NME7: variants seen among roughly 807,000 people sequenced by gnomAD.
NME7 encodes nucleoside diphosphate kinase 7.
In NME7, 41 loss-of-function variants were observed where a neutral mutation model predicts 49.1. The ratio of observed to expected loss-of-function variants is 0.83; its 90% CI spans 0.65 to 1.08. The LOEUF is 1.08. Among genes scored for constraint, NME7 ranks in the 50% least tolerant of loss-of-function variants. The pLI, the probability that NME7 is intolerant of heterozygous loss-of-function variation, is 0.00. For synonymous variants in NME7, 139 were observed against 150.6 expected, an observed-to-expected ratio of 0.92 and a Z score of 0.56; for missense variants, 423 against 463.4, an observed-to-expected ratio of 0.91 and a Z score of 0.80.
chr1:169,212,809 T>G (rs1460750990), intron 10 of NME7, among the ~76,000 whole-genome samples: 3 of 151,976 alleles, frequency 2.0e-5, no homozygotes, highest in Non-Finnish European at 4.4e-5. Context: ...TTTAAATATT[T>G]TTAGAGACAG....
intron 7 of NME7, among the ~76,000 whole-genome samples, chr1:169,249,822 T>G (rs563725973): frequency 6.6e-6 from 1 of 152,160 alleles, no homozygotes; most frequent in East Asian, 1.9e-4. Flanking sequence ...ATCCCTGGAA[T>G]GAAACCTACT....
At chr1:169,323,363 A>T in intron 2 of NME7, 80 bp from the exon 3 acceptor site, 1 of 1,110,950 alleles carries the variant, frequency 9.0e-7, no homozygotes, top group Non-Finnish European at 1.2e-6. Flanking sequence ...TAAGGTAGAA[A>T]TAATTCTTAA....
At chr1:169,189,194 CAAT>C (rs1287934951) in intron 10 of NME7, among the ~76,000 whole-genome samples, 1 of 152,062 alleles carries the variant, frequency 6.6e-6, no homozygotes, top group African/African-American at 2.4e-5. Context: ...ATGAACACAA[CAAT>C]GACAATGTTG....
intron 6 of NME7, among the ~76,000 whole-genome samples, chr1:169,293,811 T>C (rs909471143): frequency 6.6e-6 from 1 of 152,172 alleles, no homozygotes; most frequent in African/African-American, 2.4e-5. Flanking sequence ...TTCCCATTCA[T>C]AAACATGGCA....
chr1:169,268,592 A>T (rs1365309707), intron 7 of NME7, among the ~76,000 whole-genome samples: 1 of 134,050 alleles, frequency 7.5e-6, no homozygotes, highest in Non-Finnish European at 1.8e-5. Context: ...ACACCATGGA[A>T]TACTCTGCAG....
intron 4 of NME7, among the ~76,000 whole-genome samples, chr1:169,305,724 GATACACAGT>G (rs1196326257): frequency 2.0e-5 from 3 of 152,142 alleles, no homozygotes; most frequent in Non-Finnish European, 4.4e-5. Context: ...CCACCCTCTA[GATACACAGT>G]ATACACCTGG....
At chr1:169,287,477 G>C (rs1650322918) in intron 6 of NME7, 69 bp from the exon 7 acceptor site, 1 of 1,100,418 alleles carries the variant, frequency 9.1e-7, no homozygotes, top group Non-Finnish European at 1.3e-6. Context: ...TATTTCTGTG[G>C]GGGAGGAGAA....
intron 7 of NME7, among the ~76,000 whole-genome samples, chr1:169,250,286 G>C (rs922999307): frequency 4.6e-5 from 7 of 151,932 alleles, no homozygotes; most frequent in Non-Finnish European, 7.4e-5. Flanking sequence ...GGTCTCAAAT[G>C]ATCTTTTTTA....
chr1:169,280,271 T>C (rs1429820409), intron 7 of NME7, among the ~76,000 whole-genome samples: 1 of 152,204 alleles, frequency 6.6e-6, no homozygotes, highest in Non-Finnish European at 1.5e-5. Context: ...GAAGTGTCTG[T>C]TCATATCCTT....
intron 1 of NME7, among the ~76,000 whole-genome samples, chr1:169,342,485 G>GTA (rs71121764): frequency 0.016 from 2,017 of 128,604 alleles, 83 homozygotes; most frequent in African/African-American, 0.049. Flanking sequence ...ACTTGTATTA[G>GTA]TATATATATA....
chr1:169,176,187 A>G (rs1458697449), intron 10 of NME7, among the ~76,000 whole-genome samples: 1 of 152,152 alleles, frequency 6.6e-6, no homozygotes, highest in Non-Finnish European at 1.5e-5. Context: ...GAGATAATGA[A>G]AGATGGGGAA....
rs943665903 is a variant in NME7, at chr1:169,261,431, T to G, written c.755-23744A>C. Among the ~76,000 whole-genome samples, 3 of 134,106 alleles carry G rather than the reference T, an allele frequency of 2.2e-5. 1 individual carries two copies. The highest frequency in any genetic ancestry group is 1.8e-5 in the Non-Finnish European group (1 of 57,066). 88.0% of individuals were successfully genotyped at this position (134,106 alleles called of 152,430 possible). A position where few individuals can be genotyped will look rare whatever the true frequency, so the allele number is the denominator to read the frequency against. On this transcript the variant is annotated intron_variant, in intron 7 of 11. Transcript: ENST00000367811. ...AACAACTGCTATAAAGAAGTAAACGTGCATTAGAGAAGCTACTTGTGTAAA... is the reference window on the plus strand; with the variant it reads ...AACAACTGCTATAAAGAAGTAAACGGGCATTAGAGAAGCTACTTGTGTAAA...
chr1:169,228,280 G>A (rs1431623153), intron 10 of NME7, among the ~76,000 whole-genome samples: 1 of 151,992 alleles, frequency 6.6e-6, no homozygotes, highest in Non-Finnish European at 1.5e-5. Flanking sequence ...GAGAACAAAA[G>A]AATGAATCAT....
At chr1:169,261,518 C>A (rs1236096735) in intron 7 of NME7, among the ~76,000 whole-genome samples, 3 of 134,126 alleles carry the variant, frequency 2.2e-5, no homozygotes, top group African/African-American at 7.6e-5. Context: ...AACCTAAAAT[C>A]CAGCACAGGG....
At chr1:169,275,444 A>C (rs1294556636) in intron 7 of NME7, among the ~76,000 whole-genome samples, 2 of 106,178 alleles carry the variant, frequency 1.9e-5, no homozygotes, top group African/African-American at 3.2e-5. Context: ...GCGCCACTGC[A>C]CTCCAGCCTG....
chr1:169,178,068 T>C (rs1659811827), intron 10 of NME7, among the ~76,000 whole-genome samples: 1 of 152,098 alleles, frequency 6.6e-6, no homozygotes, highest in Non-Finnish European at 1.5e-5. Context: ...CTTGATCTCC[T>C]AACCTCAGGA....
chr1:169,260,521 A>C (rs1328245215), intron 7 of NME7, among the ~76,000 whole-genome samples: 1 of 131,742 alleles, frequency 7.6e-6, no homozygotes, highest in Non-Finnish European at 1.8e-5. Context: ...ATAAAGTAAC[A>C]TCATGTGTTC....
chr1:169,242,709 T>C (rs1429435606), intron 7 of NME7, among the ~76,000 whole-genome samples: 1 of 151,194 alleles, frequency 6.6e-6, no homozygotes, highest in Non-Finnish European at 1.5e-5. Context: ...GAACTAATTA[T>C]TTCAGCAAGG....
At chr1:169,258,511 T>C (rs1300237206) in intron 7 of NME7, among the ~76,000 whole-genome samples, 4 of 126,692 alleles carry the variant, frequency 3.2e-5, no homozygotes, top group African/African-American at 1.1e-4. Context: ...TTTTTACTTA[T>C]TCTAACTTTC....
Sources: gnomAD v4.1 joint callset for allele counts (sites outside exome capture counted in the v4.1 genomes callset) on GRCh38, gnomAD v4.1.1 for gene constraint, MANE v1.5 for transcripts, NCBI Gene and HGNC (gene_info 2026-07-23, HGNC 2026-07-21) for gene names.